The following EXTL3 variants were observed in gnomAD, a reference collection of about 807,000 sequenced individuals.
The protein encoded by EXTL3 is exostosin like glycosyltransferase 3.
EXTL3 carries 27 observed loss-of-function variants against 69.3 expected under a neutral mutation model. The observed-to-expected ratio is 0.39, with a 90% confidence interval of 0.29 to 0.54. The LOEUF (loss-of-function observed/expected upper bound fraction) is 0.54. Ranked by LOEUF, EXTL3 falls within the 20% of genes least tolerant of loss-of-function variation. The pLI is 0.69. For missense variants in EXTL3, 1,003 were observed against 1,231.8 expected, an observed-to-expected ratio of 0.81 and a Z score of 2.78; for synonymous variants, 511 against 499.4, an observed-to-expected ratio of 1.02 and a Z score of -0.31.
At chr8:28,640,056 TA>T (rs1488390106) in intron 1 of EXTL3, among the ~76,000 whole-genome samples, 1 of 152,058 alleles carries the variant, frequency 6.6e-6, no homozygotes, top group Non-Finnish European at 1.5e-5. Context: ...GCTGAGATTA[TA>T]CCACTGCACT....
intron 1 of EXTL3, among the ~76,000 whole-genome samples, chr8:28,651,156 G>A (rs559865364): frequency 5.9e-5 from 9 of 152,302 alleles, no homozygotes; most frequent in South Asian, 2.1e-4. Flanking sequence ...GTGCCATGTC[G>A]TTGCTCAAAA....
At position 28,716,186 on chromosome 8, in the gene EXTL3, T is replaced by C. The variant is rs759830072; in HGVS notation, c.127T>C (p.Phe43Leu). The part of the protein sequence containing the change: ...SFTLFVILVF[F>L]PLIAHYYLTT... ...CACGCTCTTTGTCATCCTGGTCTTC[T>C]TCCCGCTCATCGCCCACTATTACCT... Residue 43 changes from phenylalanine (F) to leucine (L), a missense_variant, in exon 3 of 7, where the codon TTC (phenylalanine) becomes CTC (leucine). Transcript: ENST00000220562. This position sits in a 1 kb window ranked among gnomAD's most constrained non-coding sequence, Gnocchi z 7.1. The C allele has an allele frequency of 5.0e-6, 8 of 1,614,212 alleles. No homozygotes were observed. Among genetic ancestry groups the C allele is most frequent in the Non-Finnish European group, 5.9e-6 (7 of 1,180,046 alleles).
At chr8:28,723,070 G>T (rs1801332881) in intron 3 of EXTL3, among the ~76,000 whole-genome samples, 1 of 152,194 alleles carries the variant, frequency 6.6e-6, no homozygotes, top group African/African-American at 2.4e-5. Context: ...AGGCAAGAGA[G>T]TGGAGATCAT....
chr8:28,742,705 T>C, intron 5 of EXTL3: 1 of 326,744 alleles, frequency 3.1e-6, no homozygotes, highest in Non-Finnish European at 5.9e-6. Context: ...TCTGAGAAAA[T>C]AACCAGGCTT....
intron 1 of EXTL3, among the ~76,000 whole-genome samples, chr8:28,684,022 C>A (rs1050040602): frequency 2.0e-5 from 3 of 152,108 alleles, no homozygotes; most frequent in African/African-American, 7.2e-5. Flanking sequence ...ATACGTGAGA[C>A]CGTGAAGTTT....
intron 1 of EXTL3, among the ~76,000 whole-genome samples, chr8:28,657,392 C>T (rs1437121899): frequency 6.6e-6 from 1 of 152,264 alleles, no homozygotes; most frequent in Non-Finnish European, 1.5e-5. Context: ...ACTGCCCTTT[C>T]TTACTCTGGC....
At chr8:28,660,940 G>A (rs1429039246) in intron 1 of EXTL3, among the ~76,000 whole-genome samples, 2 of 123,288 alleles carry the variant, frequency 1.6e-5, no homozygotes, top group Non-Finnish European at 3.2e-5. Context: ...TTGAGACAGA[G>A]TCTTGCTCTG....
chr8:28,718,848 G>C (rs1292102050), intron 3 of EXTL3, among the ~76,000 whole-genome samples: 1 of 152,264 alleles, frequency 6.6e-6, no homozygotes, highest in East Asian at 1.9e-4. Context: ...GTGTCTTGTA[G>C]GTTCTTTCTC....
chr8:28,635,392 T>TAAAA (rs372980960), intron 1 of EXTL3, among the ~76,000 whole-genome samples: 9 of 114,438 alleles, frequency 7.9e-5, no homozygotes, highest in African/African-American at 3.0e-4. Flanking sequence ...ACTGGTCTCT[T>TAAAA]AAAAAAAAAA....
chr8:28,633,991 C>G (rs899430480), intron 1 of EXTL3, among the ~76,000 whole-genome samples: 4 of 152,146 alleles, frequency 2.6e-5, no homozygotes, highest in Admixed American at 6.6e-5. Flanking sequence ...GAGTGGAAAT[C>G]CCATCTGCCC....
At chr8:28,747,034 G>C (rs73669438) in intron 6 of EXTL3, among the ~76,000 whole-genome samples, 149 of 152,192 alleles carry the variant, frequency 9.8e-4, no homozygotes, top group African/African-American at 3.5e-3. Flanking sequence ...CTGCTTCCGT[G>C]AAAACAACAG....
chr8:28,676,225 T>C (rs1283321733), intron 1 of EXTL3, among the ~76,000 whole-genome samples: 3 of 152,088 alleles, frequency 2.0e-5, no homozygotes, highest in Admixed American at 6.6e-5. Flanking sequence ...TCACCCACCC[T>C]GGGAGGGTCT....
intron 1 of EXTL3, among the ~76,000 whole-genome samples, chr8:28,640,758 A>G (rs1806730138): frequency 6.6e-6 from 1 of 152,086 alleles, no homozygotes; most frequent in African/African-American, 2.4e-5. Context: ...ATGTGCCACT[A>G]CACCCGGCTA....
At chr8:28,714,821 G>A (rs6996654) in intron 2 of EXTL3, among the ~76,000 whole-genome samples, 2,220 of 152,290 alleles carry the variant, frequency 0.015, 45 homozygotes, top group African/African-American at 0.051. Context: ...TCACAGCAAC[G>A]TGGTGCATTG....
intron 5 of EXTL3, chr8:28,740,196 G>T (rs570244259): frequency 6.6e-6 from 1 of 152,224 alleles, no homozygotes; most frequent in Non-Finnish European, 1.5e-5. Flanking sequence ...TGTCTGGGGC[G>T]TCATGGCGGC....
In EXTL3 at chr8:28,633,828, C is replaced by T. The variant is rs139022740; in HGVS notation, c.-53+11018C>T. Among the ~76,000 whole-genome samples, 317 of 152,240 alleles carry T rather than the reference C, an allele frequency of 2.1e-3. 2 individuals are homozygous for T. The highest frequency in any genetic ancestry group is 0.014 in the Middle Eastern group (4 of 294). ...GGAGATACGAATGACCTGCAAAGCC[C>T]TACATGTTTACTATGTGGCCCTTGA... On this transcript the variant is annotated intron_variant, in intron 1 of 6. Transcript: ENST00000523149.
chr8:28,685,457 C>A (rs1397271217), intron 1 of EXTL3, among the ~76,000 whole-genome samples: 1 of 149,674 alleles, frequency 6.7e-6, no homozygotes, highest in Non-Finnish European at 1.5e-5. Flanking sequence ...CTTTTTTTGA[C>A]GACATTGACA....
At chr8:28,619,278 A>T (rs1039504555), upstream of EXTL3, among the ~76,000 whole-genome samples, 2 of 20,428 alleles carry the variant, frequency 9.8e-5, no homozygotes, top group African/African-American at 5.0e-4. Context: ...AAAAAAAAAA[A>T]AAAAAAAAAA....
At chr8:28,706,803 T>C (rs1800932541) in intron 1 of EXTL3, among the ~76,000 whole-genome samples, 1 of 152,104 alleles carries the variant, frequency 6.6e-6, no homozygotes, top group Non-Finnish European at 1.5e-5. Context: ...TTCTGTCATA[T>C]TGAGCAGGCT....
Sources: allele counts gnomAD v4.1 joint callset (sites outside exome capture counted in the v4.1 genomes callset), GRCh38; gene constraint gnomAD v4.1.1; non-coding constraint Gnocchi (gnomAD v3.1); transcripts MANE v1.5; gene names NCBI Gene and HGNC (gene_info 2026-07-23, HGNC 2026-07-21).